Variants in CCND2 observed in about 807,000 individuals in gnomAD.
CCND2 encodes cyclin D2, also known as G1/S-specific cyclin-D2.
A neutral mutation model predicts 30.2 loss-of-function variants in CCND2; 6 were observed. The observed-to-expected ratio is 0.20, with a 90% confidence interval of 0.11 to 0.39. The LOEUF is 0.39. Among genes scored for constraint, CCND2 ranks in the 10% least tolerant of loss-of-function variants. CCND2 has a pLI of 1.00. For synonymous variants in CCND2, 150 were observed against 153.1 expected (o/e 0.98, Z 0.15); for missense variants, 235 against 373.4 (o/e 0.63, Z 3.06).
At chr12:4,286,526 G>A (rs1328344320) in intron 3 of CCND2, among the ~76,000 whole-genome samples, 17 of 152,190 alleles carry the variant, frequency 1.1e-4, no homozygotes, top group Non-Finnish European at 8.8e-5. Context: ...CGCCGTCCTC[G>A]TCTCCAGCGG....
rs748823991 is a variant in CCND2 at position 4,276,088 on chromosome 12, T to A, written c.279T>A (p.Thr93=). The change falls in exon 2 of 5, where the codon ACT becomes ACA. Residue 93 remains threonine, a synonymous_variant. Coordinates refer to ENST00000261254, the MANE Select transcript of CCND2 (RefSeq NM_001759.4). This position sits in a 1 kb window ranked among gnomAD's most constrained non-coding sequence, Gnocchi z 4.8. ...ACCGTTTCTTGGCTGGGGTCCCGAC[T>A]CCGAAGTCCCATCTGCAACTCCTGG... ...YLDRFLAGVP[T]PKSHLQLLGA... is the part of the protein sequence containing the mutation. 1 of 1,613,380 alleles carries A rather than the reference T, an allele frequency of 6.2e-7. No individual in the cohort carries two copies. The highest frequency in any genetic ancestry group is 1.1e-5 in the South Asian group (1 of 91,050).
rs1173161549 is a variant in CCND2, at chr12:4,303,179, G to A, written c.*3170G>A. 4 of 233,218 alleles carry A rather than the reference G, an allele frequency of 1.7e-5. No homozygotes were observed. Among genetic ancestry groups the A allele is most frequent in the Non-Finnish European group, 2.5e-5 (3 of 118,126 alleles). 14.4% of individuals were successfully genotyped at this position (233,218 alleles called of 1,614,324 possible). A position where few individuals can be genotyped will look rare whatever the true frequency, so the allele number is the denominator to read the frequency against. On this transcript the variant is annotated 3_prime_UTR_variant, in exon 5 of 5. Transcript: ENST00000261254. The surrounding 1 kb of genome is among the most constrained non-coding windows in gnomAD (Gnocchi z 4.6). ...AACTTTCCACTCTTCCTGTAGTCCC[G>A]AGGCCCCTGGGTCCTTCTAGCTTTT...
At chr12:4,295,288 A>C (rs1351073748) in intron 4 of CCND2, among the ~76,000 whole-genome samples, 2 of 152,162 alleles carry the variant, frequency 1.3e-5, no homozygotes, top group Non-Finnish European at 2.9e-5. Context: ...GTCGAAAGTC[A>C]AGCTGATCAT....
In CCND2 at chr12:4,304,999, T is replaced by C. The variant is rs1195660336; in HGVS notation, c.*4990T>C. The C allele has an allele frequency of 4.8e-6, 1 of 207,552 alleles. No homozygotes were observed. The highest frequency in any genetic ancestry group is 9.0e-6 in the Non-Finnish European group (1 of 110,728). The allele number at this position is 207,552 out of a possible 1,614,324, so 12.9% of individuals were successfully genotyped here. A position where few individuals can be genotyped will look rare whatever the true frequency, so the allele number is the denominator to read the frequency against. ...TGGACTTTTTTTTTTCTTTTCTTTT[T>C]CTTTTTTTTTTTGCTTTAAAACAAG... On this transcript the variant is annotated 3_prime_UTR_variant, in exon 5 of 5. Transcript: ENST00000261254. The surrounding 1 kb of genome is among the most constrained non-coding windows in gnomAD (Gnocchi z 6.2).
At chr12:4,281,343 G>A (rs931679645) in intron 3 of CCND2, among the ~76,000 whole-genome samples, 4 of 152,178 alleles carry the variant, frequency 2.6e-5, no homozygotes, top group Non-Finnish European at 4.4e-5. Flanking sequence ...TACAAACACC[G>A]AAGGCCGCTT....
At chr12:4,280,717 T>G (rs565803229) in intron 3 of CCND2, among the ~76,000 whole-genome samples, 1 of 152,240 alleles carries the variant, frequency 6.6e-6, no homozygotes, top group African/African-American at 2.4e-5. Flanking sequence ...TCTTTCTCTC[T>G]GGCCCAAGGA....
At chr12:4,288,631 A>G (rs751002838) in intron 3 of CCND2, among the ~76,000 whole-genome samples, 15 of 152,134 alleles carry the variant, frequency 9.9e-5, no homozygotes, top group African/African-American at 1.4e-4. Context: ...TCCCTGCCTC[A>G]GTCTCCTTCG....
rs550007396 is a variant in CCND2 at position 4,287,866 on chromosome 12, G to A, written c.572-976G>A. On this transcript the variant is annotated intron_variant, in intron 3 of 4. Transcript: ENST00000261254. The surrounding 1 kb of genome is among the most constrained non-coding windows in gnomAD (Gnocchi z 4.0). ...ACCCAGCCCCTCTGAAGGAGTGCTC[G>A]GAGGAACACAAGGGGGCTGGTCTTC... 4.7e-4 allele frequency among the ~76,000 whole-genome samples: 71 copies of A among 152,286 alleles called. No individual in the cohort carries two copies. The highest frequency in any genetic ancestry group is 1.2e-3 in the African/African-American group (51 of 41,556).
In CCND2 at chr12:4,285,257, CCTCT is replaced by C. The variant is rs1565434267; in HGVS notation, c.572-3578_572-3575del. The stretch of plus-strand genomic sequence containing the variant: ...GAATGGATCGCTGATCGGTTCATTG[CCTCT>C]CTCTCTGCTGCAGGAGGAAGGATCT... On this transcript the variant is annotated intron_variant, in intron 3 of 4. Coordinates refer to ENST00000261254, the MANE Select transcript of CCND2 (RefSeq NM_001759.4). This position sits in a 1 kb window ranked among gnomAD's most constrained non-coding sequence, Gnocchi z 4.1. 1.0e-6 allele frequency: 1 copy of C among 982,780 alleles called. No individual in the cohort carries two copies. Among genetic ancestry groups the C allele is most frequent in the Non-Finnish European group, 1.2e-6 (1 of 827,744 alleles). The allele number at this position is 982,780 out of a possible 1,614,324, so 60.9% of individuals were successfully genotyped here. A position where few individuals can be genotyped will look rare whatever the true frequency, so the allele number is the denominator to read the frequency against.
chr12:4,296,449 C>T (rs3217903), intron 4 of CCND2, among the ~76,000 whole-genome samples: 6,650 of 152,374 alleles, frequency 0.044, 343 homozygotes, highest in African/African-American at 0.12. Flanking sequence ...CGCATCGCTA[C>T]GCCTAACGGG....
Position 4,276,299 on chromosome 12 carries a change from T to A in CCND2, c.411+79T>A. The A allele has an allele frequency of 2.5e-6, 3 of 1,212,686 alleles. No homozygotes were observed. The South Asian group carries it at 4.0e-5, about 16-fold the overall frequency. 75.1% of individuals were successfully genotyped at this position (1,212,686 alleles called of 1,614,324 possible). On this transcript the variant is annotated intron_variant, in intron 2 of 4. Coordinates refer to ENST00000261254, the MANE Select transcript of CCND2 (RefSeq NM_001759.4). This position sits in a 1 kb window ranked among gnomAD's most constrained non-coding sequence, Gnocchi z 4.8. ...CCAACAATATGCCTTCTATCACCAC[T>A]GCCAGAGCAAATTCTTGGGATCCAG...
chr12:4,278,471 G>C (rs187780423), intron 2 of CCND2, among the ~76,000 whole-genome samples: 7 of 152,110 alleles, frequency 4.6e-5, no homozygotes, highest in African/African-American at 1.2e-4. Flanking sequence ...GGGTTGGGAG[G>C]GGGTAAGGGG....
Position 4,302,399 on chromosome 12 carries a change from G to C in CCND2, c.*2390G>C, listed in dbSNP as rs1026270916. Reference sequence around the variant, plus strand: ...CAGGCTGTTTGGAGATCCTCATCTTGGAGCTTTTTCAAAAGCGGGGCTTCA... The same window carrying C: ...CAGGCTGTTTGGAGATCCTCATCTTCGAGCTTTTTCAAAAGCGGGGCTTCA... On this transcript the variant is annotated 3_prime_UTR_variant, in exon 5 of 5. Coordinates refer to ENST00000261254, the MANE Select transcript of CCND2 (RefSeq NM_001759.4). 1 of 232,986 alleles carries C rather than the reference G, an allele frequency of 4.3e-6. No individual in the cohort carries two copies. Among genetic ancestry groups the C allele is most frequent in the African/African-American group, 2.2e-5 (1 of 45,312 alleles). 14.4% of individuals were successfully genotyped at this position (232,986 alleles called of 1,614,324 possible). A position where few individuals can be genotyped will look rare whatever the true frequency, so the allele number is the denominator to read the frequency against.
chr12:4,281,269 G>T (rs1161056805), intron 3 of CCND2, among the ~76,000 whole-genome samples: 1 of 152,212 alleles, frequency 6.6e-6, no homozygotes, highest in Non-Finnish European at 1.5e-5. Flanking sequence ...ACTTGGGTTT[G>T]TGCAACTGAC....
rs1489721140 is a variant in CCND2 at position 4,282,599 on chromosome 12, G to A, written c.571+3680G>A. On this transcript the variant is annotated intron_variant, in intron 3 of 4. Coordinates refer to ENST00000261254, the MANE Select transcript of CCND2 (RefSeq NM_001759.4). This position sits in a 1 kb window ranked among gnomAD's most constrained non-coding sequence, Gnocchi z 4.3. ...GTCTCTGAGCTACCCCTGAAGCCGC[G>A]AGGTCATGGGACTGAGGGGGAGTCG... 1.3e-5 allele frequency among the ~76,000 whole-genome samples: 2 copies of A among 152,198 alleles called. No individual in the cohort carries two copies. The highest frequency in any genetic ancestry group is 2.4e-5 in the African/African-American group (1 of 41,442).
Position 4,303,475 on chromosome 12 carries a change from T to C in CCND2, c.*3466T>C, listed in dbSNP as rs369495045. On this transcript the variant is annotated 3_prime_UTR_variant, in exon 5 of 5. Coordinates refer to ENST00000261254, the MANE Select transcript of CCND2 (RefSeq NM_001759.4). This position sits in a 1 kb window ranked among gnomAD's most constrained non-coding sequence, Gnocchi z 4.6. ...AGGGGTTCCAAATTATCCTGGTCTT[T>C]TTCTACCTTGTTGTGTTTCTATCTC... The C allele has an allele frequency of 1.3e-4, 30 of 233,700 alleles. No homozygotes were observed. Among genetic ancestry groups the C allele is most frequent in the African/African-American group, 6.4e-4 (29 of 45,472 alleles). 14.5% of individuals were successfully genotyped at this position (233,700 alleles called of 1,614,324 possible). A position where few individuals can be genotyped will look rare whatever the true frequency, so the allele number is the denominator to read the frequency against.
chr12:4,282,870 C>T lies in CCND2; in HGVS notation c.571+3951C>T, dbSNP rs1863968560. Among the ~76,000 whole-genome samples, 1 of 152,224 alleles carries T rather than the reference C, an allele frequency of 6.6e-6. No individual in the cohort carries two copies. Among genetic ancestry groups the T allele is most frequent in the African/African-American group, 2.4e-5 (1 of 41,462 alleles). ...ATGAGGTGCGTGCCCAGTGACGTCC[C>T]TGGCCTGTGAACACTCTGGTTCTGG... is the stretch of plus-strand genomic sequence containing the variant. On this transcript the variant is annotated intron_variant, in intron 3 of 4. Coordinates refer to ENST00000261254, the MANE Select transcript of CCND2 (RefSeq NM_001759.4). This position sits in a 1 kb window ranked among gnomAD's most constrained non-coding sequence, Gnocchi z 4.3.
In CCND2 at chr12:4,285,523, C is replaced by T. The variant is rs1278957080; in HGVS notation, c.572-3319C>T. The T allele has an allele frequency of 1.1e-4, 70 of 614,314 alleles. No individual in the cohort carries two copies. Among genetic ancestry groups the T allele is most frequent in the Non-Finnish European group, 1.3e-4 (64 of 491,310 alleles). 38.1% of individuals were successfully genotyped at this position (614,314 alleles called of 1,614,324 possible). On this transcript the variant is annotated intron_variant, in intron 3 of 4. Coordinates refer to ENST00000261254, the MANE Select transcript of CCND2 (RefSeq NM_001759.4). The surrounding 1 kb of genome is among the most constrained non-coding windows in gnomAD (Gnocchi z 4.1). ...ACCTAACAGAACAGCTTTTATTTTC[C>T]GTGCATCCTTCCAGTTCATCCATAG...
chr12:4,299,851 T>C lies in CCND2; in HGVS notation c.721-9T>C, dbSNP rs369370567. The stretch of plus-strand genomic sequence containing the variant: ...TTACTAACAACTCTGGTCTGGACCA[T>C]TGTTCTAGGATTGTCTCAAAGCTTG... On this transcript the variant is annotated splice_polypyrimidine_tract_variant and intron_variant, in intron 4 of 4. Coordinates refer to ENST00000261254, the MANE Select transcript of CCND2 (RefSeq NM_001759.4). The surrounding 1 kb of genome is among the most constrained non-coding windows in gnomAD (Gnocchi z 5.2). 2.5e-6 allele frequency: 4 copies of C among 1,613,010 alleles called. No homozygotes were observed. Among genetic ancestry groups the C allele is most frequent in the African/African-American group, 2.7e-5 (2 of 74,894 alleles).
Sources: allele counts gnomAD v4.1 joint callset (sites outside exome capture counted in the v4.1 genomes callset), GRCh38; gene constraint gnomAD v4.1.1; non-coding constraint Gnocchi (gnomAD v3.1); transcripts MANE v1.5; gene names NCBI Gene and HGNC (gene_info 2026-07-23, HGNC 2026-07-21).